The following EYS variants were observed in gnomAD, a reference collection of about 807,000 sequenced individuals.
EYS encodes EGF-like photoreceptor maintenance factor, also known as protein eyes shut homolog.
A neutral mutation model predicts 282.1 loss-of-function variants in EYS; 250 were observed. The observed-to-expected ratio is 0.89, with a 90% confidence interval of 0.80 to 0.98. EYS has a LOEUF of 0.98. Among genes scored for constraint, EYS ranks in the 50% least tolerant of loss-of-function variants. The pLI is 0.00. For synonymous variants in EYS, 1,355 were observed against 1,282.9 expected (o/e 1.06, Z -1.20); for missense variants, 4,016 against 3,709.0 (o/e 1.08, Z -2.15).
At chr6:63,932,280 G>A (rs1179961244) in intron 35 of EYS, among the ~76,000 whole-genome samples, 1 of 152,116 alleles carries the variant, frequency 6.6e-6, no homozygotes, top group Non-Finnish European at 1.5e-5. Flanking sequence ...TGTGAATAAT[G>A]CTGCAATAAA....
chr6:65,463,656 A>T (rs1001154779), intron 5 of EYS, among the ~76,000 whole-genome samples: 1 of 152,166 alleles, frequency 6.6e-6, no homozygotes, highest in Non-Finnish European at 1.5e-5. Flanking sequence ...TGATGTGTTT[A>T]TTTAAAAAAG....
chr6:64,745,769 A>T (rs1363121460), intron 22 of EYS, among the ~76,000 whole-genome samples: 1 of 152,180 alleles, frequency 6.6e-6, no homozygotes, highest in African/African-American at 2.4e-5. Flanking sequence ...CTCCATTGGC[A>T]AGCATTATAG....
At chr6:65,621,927 G>T (rs990616837) in intron 2 of EYS, among the ~76,000 whole-genome samples, 2 of 152,024 alleles carry the variant, frequency 1.3e-5, no homozygotes, top group Admixed American at 6.6e-5. Flanking sequence ...ATAAAGCTGT[G>T]GTGTTATGCT....
At chr6:65,496,553 G>A (rs1045537466) in intron 2 of EYS, among the ~76,000 whole-genome samples, 3 of 152,010 alleles carry the variant, frequency 2.0e-5, no homozygotes, top group Non-Finnish European at 4.4e-5. Context: ...TTATTCATTT[G>A]TTTAATGTCC....
At chr6:64,371,304 T>C (rs1488108039) in intron 29 of EYS, among the ~76,000 whole-genome samples, 1 of 147,326 alleles carries the variant, frequency 6.8e-6, no homozygotes, top group African/African-American at 2.5e-5. Context: ...TTGTTTGATT[T>C]CTATGTAATT....
At chr6:63,826,179 C>G (rs894586629) in intron 36 of EYS, among the ~76,000 whole-genome samples, 10 of 150,074 alleles carry the variant, frequency 6.7e-5, no homozygotes, top group Middle Eastern at 3.5e-3. Flanking sequence ...TTGGATTAAT[C>G]CAATCCAACA....
At position 64,289,500 on chromosome 6, in the gene EYS, A is replaced by G. The variant is rs1448579853; in HGVS notation, c.6191+17470T>C. Among the ~76,000 whole-genome samples, 9 of 152,138 alleles carry G rather than the reference A, an allele frequency of 5.9e-5. No homozygotes were observed. In the East Asian group the frequency reaches 1.5e-3, roughly 26 times the overall value. On this transcript the variant is annotated intron_variant, in intron 30 of 42. Coordinates refer to ENST00000503581, the MANE Select transcript of EYS (RefSeq NM_001142800.2). ...CTATGAGAAGGCTCTACCTCTCCCA[A>G]ATACTTGAACGGTATTTCAGATTCT...
At chr6:64,992,838 C>T (rs756530155) in intron 14 of EYS, among the ~76,000 whole-genome samples, 1 of 151,898 alleles carries the variant, frequency 6.6e-6, no homozygotes, top group Non-Finnish European at 1.5e-5. Context: ...ATTGATTCCG[C>T]ACTGATGGGG....
intron 22 of EYS, among the ~76,000 whole-genome samples, chr6:64,656,383 T>C (rs1768746285): frequency 6.6e-6 from 1 of 152,074 alleles, no homozygotes; most frequent in Non-Finnish European, 1.5e-5. Flanking sequence ...CAACTAACCC[T>C]ACAACCTTGA....
intron 35 of EYS, among the ~76,000 whole-genome samples, chr6:63,881,065 A>G (rs1199167623): frequency 6.6e-6 from 1 of 152,138 alleles, no homozygotes; most frequent in Non-Finnish European, 1.5e-5. Flanking sequence ...ATAAATGGAT[A>G]AAAGAATAAA....
At chr6:63,968,908 T>C (rs1040174345) in intron 35 of EYS, among the ~76,000 whole-genome samples, 6 of 152,188 alleles carry the variant, frequency 3.9e-5, no homozygotes, top group Admixed American at 3.9e-4. Flanking sequence ...GGTAGGAATA[T>C]GTGAAAAGTA....
rs1220338265 is a variant in EYS, at chr6:65,628,600, C to G, written c.-333+11178G>C. Among the ~76,000 whole-genome samples the G allele has an allele frequency of 2.0e-5, 3 of 152,110 alleles. No individual in the cohort carries two copies. The East Asian group carries it at 5.8e-4, about 29-fold the overall frequency. ...AAGATCTGCAGCTTCACTCCTGATCCCAGCAAGACCAGGAGCCCACCGGGA... is the reference window on the plus strand; with the variant it reads ...AAGATCTGCAGCTTCACTCCTGATCGCAGCAAGACCAGGAGCCCACCGGGA... On this transcript the variant is annotated intron_variant, in intron 2 of 42. Coordinates refer to ENST00000503581, the MANE Select transcript of EYS (RefSeq NM_001142800.2).
At chr6:64,659,721 C>G (rs1258040632) in intron 22 of EYS, among the ~76,000 whole-genome samples, 4 of 152,030 alleles carry the variant, frequency 2.6e-5, no homozygotes, top group African/African-American at 7.2e-5. Flanking sequence ...CAATAACAGG[C>G]TCTGAAATTG....
Position 65,440,974 on chromosome 6 carries a change from G to GTA in EYS, c.863-35609_863-35608dup, listed in dbSNP as rs1202236490. 1.3e-4 allele frequency among the ~76,000 whole-genome samples: 19 copies of GTA among 143,976 alleles called. 1 individual carries two copies. Among genetic ancestry groups the GTA allele is most frequent in the South Asian group, 8.6e-4 (4 of 4,626 alleles). 94.5% of individuals were successfully genotyped at this position (143,976 alleles called of 152,430 possible). ...ATATAAATATATATATTTAAACAGT[G>GTA]TATATATATATCTATATATATTAAA... On this transcript the variant is annotated intron_variant, in intron 5 of 42. Coordinates refer to ENST00000503581, the MANE Select transcript of EYS (RefSeq NM_001142800.2).
intron 5 of EYS, among the ~76,000 whole-genome samples, chr6:65,417,386 A>C (rs529663417): frequency 6.6e-6 from 1 of 152,060 alleles, no homozygotes; most frequent in Non-Finnish European, 1.5e-5. Flanking sequence ...AAAGTTTAGC[A>C]GTTAAAAGTA....
At chr6:64,809,268 A>G (rs562009758) in intron 22 of EYS, among the ~76,000 whole-genome samples, 18 of 152,238 alleles carry the variant, frequency 1.2e-4, no homozygotes, top group Non-Finnish European at 2.2e-4. Context: ...GTTCAGCTAT[A>G]TGAACTTTGA....
intron 33 of EYS, among the ~76,000 whole-genome samples, chr6:64,024,647 T>C (rs1358080951): frequency 1.7e-4 from 26 of 152,060 alleles, no homozygotes; most frequent in African/African-American, 5.6e-4. Flanking sequence ...TAACACTCAC[T>C]GTGAAGGTCT....
At position 65,353,681 on chromosome 6, in the gene EYS, A is replaced by G. The variant is rs532815822; in HGVS notation, c.1300-64T>C. On this transcript the variant is annotated intron_variant, in intron 8 of 42. Coordinates refer to ENST00000503581, the MANE Select transcript of EYS (RefSeq NM_001142800.2). The stretch of plus-strand genomic sequence containing the variant: ...TTGATATATTTTTCAATATATACAT[A>G]TAACATAAACAGCTAATTTTTAAAA... The G allele has an allele frequency of 2.6e-4, 358 of 1,396,086 alleles. 2 individuals are homozygous for G. Among genetic ancestry groups the G allele is most frequent in the Middle Eastern group, 9.1e-4 (5 of 5,516 alleles). The allele number at this position is 1,396,086 out of a possible 1,614,324, so 86.5% of individuals were successfully genotyped here.
At chr6:64,693,314 A>T (rs1770465840) in intron 22 of EYS, among the ~76,000 whole-genome samples, 1 of 151,988 alleles carries the variant, frequency 6.6e-6, no homozygotes, top group South Asian at 2.1e-4. Context: ...AGCAAATTCT[A>T]AAATTGATCT....
Sources: allele counts gnomAD v4.1 joint callset (sites outside exome capture counted in the v4.1 genomes callset), GRCh38; gene constraint gnomAD v4.1.1; transcripts MANE v1.5; gene names NCBI Gene and HGNC (gene_info 2026-07-23, HGNC 2026-07-21).